ZNF696: variants seen among roughly 807,000 people sequenced by gnomAD.
The protein encoded by ZNF696 is zinc finger protein 696.
Under a neutral mutation model 12.3 loss-of-function variants are expected in ZNF696, and 10 were observed. The observed-to-expected ratio is 0.81, with a 90% CI of 0.50 to 1.38. ZNF696 has a LOEUF of 1.38. Among genes scored for constraint, ZNF696 ranks in the 40% most tolerant of loss-of-function variants. The probability of loss-of-function intolerance (pLI) is 0.00; values close to 1 mark genes in which losing one functional copy is unlikely to be tolerated. For synonymous variants in ZNF696, 304 were observed against 243.9 expected (o/e 1.25, Z -2.29); for missense variants, 675 against 554.7 (o/e 1.22, Z -2.18).
In ZNF696 at chr8:143,296,901, CG is replaced by C. The variant is rs1029326424; in HGVS notation, c.*103del. On this transcript the variant is annotated 3_prime_UTR_variant, in exon 3 of 3. Transcript: ENST00000330143. ...CCGTGCGCGGTGAGGAAGTAACAGCCGGCTGCGCGCCTGGTTCTCGGGTTGC... is the reference window on the plus strand; with the variant it reads ...CCGTGCGCGGTGAGGAAGTAACAGCCGCTGCGCGCCTGGTTCTCGGGTTGC... 1 of 1,131,262 alleles carries C rather than the reference CG, an allele frequency of 8.8e-7. No individual in the cohort carries two copies. Among genetic ancestry groups the C allele is most frequent in the African/African-American group, 1.7e-5 (1 of 60,456 alleles). The allele number at this position is 1,131,262 out of a possible 1,614,324, so 70.1% of individuals were successfully genotyped here.
chr8:143,292,570 C>A (rs192982759), intron 1 of ZNF696, among the ~76,000 whole-genome samples: 192 of 152,136 alleles, frequency 1.3e-3, no homozygotes, highest in African/African-American at 4.4e-3. Flanking sequence ...TCTGGTTTAA[C>A]ATTTTTATAT....
In ZNF696 at chr8:143,296,506, C is replaced by T. The variant is rs1020704359; in HGVS notation, c.831C>T (p.Ser277=). 3.7e-6 allele frequency: 6 copies of T among 1,608,118 alleles called. No individual in the cohort carries two copies. Among genetic ancestry groups the T allele is most frequent in the Non-Finnish European group, 5.1e-6 (6 of 1,179,246 alleles). ...CRECGQAFSQ[S]SNLLQHQRVH... is the part of the protein sequence containing the mutation. ...AGTGCGGCCAGGCCTTCAGCCAGAG[C>T]TCCAACCTCCTCCAGCACCAGCGCG... Residue 277 remains serine (S), a synonymous_variant, in exon 3 of 3, where the codon AGC becomes AGT. Coordinates refer to ENST00000330143, the MANE Select transcript of ZNF696 (RefSeq NM_030895.3).
chr8:143,295,757 C>G lies in ZNF696; in HGVS notation c.82C>G (p.Leu28Val), dbSNP rs771443341. The stretch of plus-strand genomic sequence containing the variant: ...TTTTTCAGCTGTGAAGGCTGCTTTC[C>G]TGGCGCAGGCCCCGAGTGGCAGCCG... ...ESLAAVKAAF[L>V]AQAPSGSRSA... is the part of the protein sequence containing the mutation. Residue 28 changes from leucine to valine, a missense_variant, in exon 3 of 3, where the codon CTG (leucine) becomes GTG (valine). Physicochemically the swap from Leu to Val is conservative, Grantham distance 32. Transcript: ENST00000330143. The G allele has an allele frequency of 8.8e-6, 14 of 1,599,516 alleles. No homozygotes were observed. The highest frequency in any genetic ancestry group is 8.5e-7 in the Non-Finnish European group (1 of 1,174,518).
rs1484366737 is a variant in ZNF696 at position 143,298,988 on chromosome 8, C to T, written c.*2188C>T. Among the ~76,000 whole-genome samples, 1 of 152,080 alleles carries T rather than the reference C, an allele frequency of 6.6e-6. No homozygotes were observed. The highest frequency in any genetic ancestry group is 1.5e-5 in the Non-Finnish European group (1 of 68,000). On this transcript the variant is annotated 3_prime_UTR_variant, in exon 3 of 3. Coordinates refer to ENST00000330143, the MANE Select transcript of ZNF696 (RefSeq NM_030895.3). Reference sequence around the variant, plus strand: ...CACCCTGGCCAACATGGCAAAACCCCATTTCTACTAAAAATACAAAATTAG... The same window carrying T: ...CACCCTGGCCAACATGGCAAAACCCTATTTCTACTAAAAATACAAAATTAG...
intron 1 of ZNF696, among the ~76,000 whole-genome samples, 169 bp from the exon 2 acceptor site, chr8:143,292,803 T>C (rs1385123762): frequency 1.3e-5 from 2 of 152,112 alleles, no homozygotes. Context: ...GGAGTGTCTG[T>C]TGAGCCAGGA....
chr8:143,296,608 C>A lies in ZNF696; in HGVS notation c.933C>A (p.His311Gln). 6.3e-7 allele frequency: 1 copy of A among 1,586,374 alleles called. No individual in the cohort carries two copies. The highest frequency in any genetic ancestry group is 8.5e-7 in the Non-Finnish European group (1 of 1,172,328). ...AFSRSSFLRE[H>Q]RRIHTGEKPH... ...GCCGCAGCTCCTTCCTCCGCGAGCA[C>A]CGCCGCATCCACACCGGGGAGAAGC... is the stretch of plus-strand genomic sequence containing the variant. The change falls in exon 3 of 3, where the codon CAC (histidine) becomes CAA (glutamine). Residue 311 changes from histidine (H) to glutamine (Q), a missense_variant. By Grantham distance (24) the His-to-Gln change is conservative. Transcript: ENST00000330143.
chr8:143,292,828 G>A, intron 1 of ZNF696, 144 bp from the exon 2 acceptor site: 1 of 645,670 alleles, frequency 1.5e-6, no homozygotes, highest in African/African-American at 1.8e-5. Flanking sequence ...GATTGCTAGT[G>A]ACAGGAGTGG....
rs988442098 is a variant in ZNF696, at chr8:143,298,369, G to A, written c.*1569G>A. ...TCAGAATGGATTTGGTGGCCCCACC[G>A]TTAATTAAGCTCCTGACCCCTGGGC... On this transcript the variant is annotated 3_prime_UTR_variant, in exon 3 of 3. Coordinates refer to ENST00000330143, the MANE Select transcript of ZNF696 (RefSeq NM_030895.3). Among the ~76,000 whole-genome samples, 4 of 152,154 alleles carry A rather than the reference G, an allele frequency of 2.6e-5. No individual in the cohort carries two copies. The highest frequency in any genetic ancestry group is 6.5e-5 in the Admixed American group (1 of 15,284).
chr8:143,293,575 C>T (rs1345442448), intron 2 of ZNF696, among the ~76,000 whole-genome samples: 1 of 152,276 alleles, frequency 6.6e-6, no homozygotes, highest in African/African-American at 2.4e-5. Flanking sequence ...CAGCAACAGC[C>T]CGGGAGATGG....
rs1357333615 is a variant in ZNF696 at position 143,298,171 on chromosome 8, G to T, written c.*1371G>T. ...AGGATTCGCCCATCCTGGTCTGGGT[G>T]TGGCTTGTGACCACCTCCTGCAGTT... On this transcript the variant is annotated 3_prime_UTR_variant, in exon 3 of 3. Coordinates refer to ENST00000330143, the MANE Select transcript of ZNF696 (RefSeq NM_030895.3). 1 of 152,188 alleles carries T rather than the reference G, an allele frequency of 6.6e-6. No individual in the cohort carries two copies. Among genetic ancestry groups the T allele is most frequent in the Non-Finnish European group, 1.5e-5 (1 of 68,034 alleles). The allele number at this position is 152,188 out of a possible 1,614,324, so 9.4% of individuals were successfully genotyped here.
rs1460281944 is a variant in ZNF696, at chr8:143,295,771, G to A, written c.96G>A (p.Pro32=). ...AGGCTGCTTTCCTGGCGCAGGCCCC[G>A]AGTGGCAGCCGGTCAGCCGAGGTGC... ...AVKAAFLAQA[P]SGSRSAEVQA... is the part of the protein sequence containing the mutation. Residue 32 remains proline, a synonymous_variant, in exon 3 of 3, where the codon CCG becomes CCA. Transcript: ENST00000330143. The A allele has an allele frequency of 2.5e-6, 4 of 1,603,602 alleles. No individual in the cohort carries two copies. Among genetic ancestry groups the A allele is most frequent in the East Asian group, 2.2e-5 (1 of 44,618 alleles).
rs1815662156 is a variant in ZNF696, at chr8:143,293,681, C to T, written c.64+616C>T. 2.3e-5 allele frequency among the ~76,000 whole-genome samples: 3 copies of T among 131,230 alleles called. 1 individual carries two copies. The highest frequency in any genetic ancestry group is 4.4e-4 in the South Asian group (2 of 4,512). The allele number at this position is 131,230 out of a possible 152,430, so 86.1% of individuals were successfully genotyped here. A position where few individuals can be genotyped will look rare whatever the true frequency, so the allele number is the denominator to read the frequency against. On this transcript the variant is annotated intron_variant, in intron 2 of 2. Coordinates refer to ENST00000330143, the MANE Select transcript of ZNF696 (RefSeq NM_030895.3). ...GGCTGGATCCAGTAGAGCTCCACCACGTATGTGTCCCCTTCTCACCATAGT... is the reference window on the plus strand; with the variant it reads ...GGCTGGATCCAGTAGAGCTCCACCATGTATGTGTCCCCTTCTCACCATAGT...
rs1305420682 is a variant in ZNF696, at chr8:143,299,405, G to A, written c.*2605G>A. The stretch of plus-strand genomic sequence containing the variant: ...CTTTGATAAGTTAAATGTGCATAGT[G>A]TAATTTAATGTTAATTACTAAAAGA... On this transcript the variant is annotated 3_prime_UTR_variant, in exon 3 of 3. Coordinates refer to ENST00000330143, the MANE Select transcript of ZNF696 (RefSeq NM_030895.3). Among the ~76,000 whole-genome samples, 2 of 152,184 alleles carry A rather than the reference G, an allele frequency of 1.3e-5. No individual in the cohort carries two copies. The highest frequency in any genetic ancestry group is 2.4e-5 in the African/African-American group (1 of 41,444).
At chr8:143,293,447 C>T (rs1374834472) in intron 2 of ZNF696, 1 of 369,230 alleles carries the variant, frequency 2.7e-6, no homozygotes, top group Non-Finnish European at 4.9e-6. Flanking sequence ...TCAGTAGGGC[C>T]CCCTCCCAGT....
At chr8:143,294,762 G>T (rs1307367922) in intron 2 of ZNF696, among the ~76,000 whole-genome samples, 1 of 152,106 alleles carries the variant, frequency 6.6e-6, no homozygotes, top group Non-Finnish European at 1.5e-5. Context: ...TAAGGAGTCT[G>T]CGTTGTCTCA....
rs748029190 is a variant in ZNF696 at position 143,295,822 on chromosome 8, C to T, written c.147C>T (p.Ala49=). The T allele has an allele frequency of 3.6e-5, 58 of 1,597,554 alleles. 1 individual carries two copies. Among genetic ancestry groups the T allele is most frequent in the African/African-American group, 1.5e-4 (11 of 74,402 alleles). ...EVQAAQSTEP[A]AEAGAPEGEG... ...AGGCAGCTCAGAGCACGGAGCCTGC[C>T]GCAGAGGCAGGCGCTCCCGAGGGAG... Residue 49 remains alanine, a synonymous_variant, in exon 3 of 3, where the codon GCC becomes GCT. Coordinates refer to ENST00000330143, the MANE Select transcript of ZNF696 (RefSeq NM_030895.3).
chr8:143,293,355 T>G, intron 2 of ZNF696: 1 of 538,902 alleles, frequency 1.9e-6, no homozygotes, highest in Admixed American at 3.5e-5. Flanking sequence ...GTGGCTGTTT[T>G]GGAATGGACG....
At chr8:143,293,260 T>C in intron 2 of ZNF696, 195 bp downstream of exon 2, 1 of 587,698 alleles carries the variant, frequency 1.7e-6, no homozygotes, top group Non-Finnish European at 3.0e-6. Flanking sequence ...GCCAGTGAAC[T>C]GAGAGCTTTT....
At chr8:143,294,425 C>T (rs1257893245) in intron 2 of ZNF696, among the ~76,000 whole-genome samples, 5 of 150,198 alleles carry the variant, frequency 3.3e-5, no homozygotes, top group East Asian at 2.0e-4. Context: ...CTTGCTCTGT[C>T]GCCAGGCTGG....
Sources: allele counts gnomAD v4.1 joint callset (sites outside exome capture counted in the v4.1 genomes callset), GRCh38; gene constraint gnomAD v4.1.1; transcripts MANE v1.5; gene names NCBI Gene and HGNC (gene_info 2026-07-23, HGNC 2026-07-21).